SLC44A1: variants seen among roughly 807,000 people sequenced by gnomAD.
The protein encoded by SLC44A1 is choline transporter-like protein 1.
Under a neutral mutation model 79.3 loss-of-function variants are expected in SLC44A1, and 26 were observed. The observed-to-expected ratio is 0.33, with a 90% CI of 0.24 to 0.46. The LOEUF (loss-of-function observed/expected upper bound fraction) is 0.46. Among genes scored for constraint, SLC44A1 ranks in the 20% least tolerant of loss-of-function variants. The pLI is 1.00. For synonymous variants in SLC44A1, 263 were observed against 286.2 expected, an observed-to-expected ratio of 0.92 and a Z score of 0.82; for missense variants, 688 against 798.1, an observed-to-expected ratio of 0.86 and a Z score of 1.66.
chr9:105,361,289 C>T lies in SLC44A1; in HGVS notation c.859C>T (p.Arg287Trp), dbSNP rs141353650. The change falls in exon 8 of 16, where the codon CGG becomes TGG. Residue 287 changes from arginine (R) to tryptophan (W), a missense_variant. Physicochemically the swap from Arg to Trp is moderately radical, Grantham distance 101. Transcript: ENST00000374720. The stretch of plus-strand genomic sequence containing the variant: ...GCTTCAGATAGCTGAAGACAATCTT[C>T]GGGCCCTCCTCATTTATGCCATTTC... ...EQLQIAEDNLRALLIYAISAT... is the reference protein window; with the variant it reads ...EQLQIAEDNLWALLIYAISAT... 111 of 1,613,426 alleles carry T rather than the reference C, an allele frequency of 6.9e-5. No homozygotes were observed. Among genetic ancestry groups the T allele is most frequent in the Non-Finnish European group, 9.0e-5 (106 of 1,179,696 alleles).
chr9:105,346,559 T>C (rs7045688), intron 4 of SLC44A1, among the ~76,000 whole-genome samples: 1 of 152,130 alleles, frequency 6.6e-6, no homozygotes, highest in Admixed American at 6.6e-5. Flanking sequence ...ATTGGCGCAG[T>C]TGCTATTTTT....
At chr9:105,301,514 C>T (rs1400818146) in intron 2 of SLC44A1, among the ~76,000 whole-genome samples, 1 of 152,182 alleles carries the variant, frequency 6.6e-6, no homozygotes, top group Non-Finnish European at 1.5e-5. Context: ...AACAGAGATT[C>T]AGCATTTTTT....
At chr9:105,385,916 G>C (rs1828614972) in intron 15 of SLC44A1, 1 of 985,110 alleles carries the variant, frequency 1.0e-6, no homozygotes, top group Non-Finnish European at 1.2e-6. Flanking sequence ...CTTTCAACTT[G>C]CTAAAATTCA....
chr9:105,281,735 T>C (rs1166629302), intron 1 of SLC44A1, among the ~76,000 whole-genome samples: 1 of 152,240 alleles, frequency 6.6e-6, no homozygotes, highest in Non-Finnish European at 1.5e-5. Flanking sequence ...AAATGGGTTG[T>C]TCCTTTGTGA....
At chr9:105,349,695 T>A (rs1368633593) in intron 5 of SLC44A1, among the ~76,000 whole-genome samples, 2 of 152,158 alleles carry the variant, frequency 1.3e-5, no homozygotes, top group Non-Finnish European at 2.9e-5. Flanking sequence ...ATATAAAAAT[T>A]AGAAAAGCTC....
intron 1 of SLC44A1, among the ~76,000 whole-genome samples, chr9:105,250,145 G>A (rs369470472): frequency 4.2e-4 from 64 of 151,932 alleles, no homozygotes; most frequent in African/African-American, 1.5e-3. Context: ...CAAAGTGCTA[G>A]GATTATAGGT....
chr9:105,298,718 C>G (rs1830795600), intron 1 of SLC44A1, among the ~76,000 whole-genome samples: 1 of 151,516 alleles, frequency 6.6e-6, no homozygotes, highest in Non-Finnish European at 1.5e-5. Flanking sequence ...CACATTCTAA[C>G]TTTTTTTTTA....
intron 13 of SLC44A1, among the ~76,000 whole-genome samples, chr9:105,382,034 A>G (rs1161590464): frequency 6.6e-6 from 1 of 152,140 alleles, no homozygotes; most frequent in Admixed American, 6.5e-5. Context: ...AGAATTCAGT[A>G]GAATCCATTA....
chr9:105,258,699 G>A (rs1006919771), intron 1 of SLC44A1, among the ~76,000 whole-genome samples: 7 of 151,848 alleles, frequency 4.6e-5, no homozygotes, highest in African/African-American at 1.2e-4. Flanking sequence ...GTTTTGTTTT[G>A]TTTTTTGGGA....
At chr9:105,250,979 C>T (rs924475970) in intron 1 of SLC44A1, among the ~76,000 whole-genome samples, 7 of 152,112 alleles carry the variant, frequency 4.6e-5, no homozygotes, top group Non-Finnish European at 1.0e-4. Context: ...TGGTAGCCCT[C>T]GTGTGTCACC....
intron 12 of SLC44A1, 135 bp downstream of exon 12, chr9:105,366,564 C>T (rs1827948275): frequency 4.8e-6 from 2 of 415,862 alleles, no homozygotes; most frequent in Non-Finnish European, 8.4e-6. Context: ...TAAAGTATGT[C>T]TATTTCAATC....
At chr9:105,299,173 A>T in intron 1 of SLC44A1, 47 bp from the exon 2 acceptor site, 1 of 1,397,610 alleles carries the variant, frequency 7.2e-7, no homozygotes, top group Non-Finnish European at 9.9e-7. Flanking sequence ...TTCTAACTTT[A>T]ACTAAACTTA....
In SLC44A1 at chr9:105,394,021, C is replaced by G. The variant is rs1828822074; in HGVS notation, c.*4965C>G. 4 of 985,148 alleles carry G rather than the reference C, an allele frequency of 4.1e-6. No individual in the cohort carries two copies. Among genetic ancestry groups the G allele is most frequent in the African/African-American group, 1.7e-5 (1 of 57,246 alleles). 61.0% of individuals were successfully genotyped at this position (985,148 alleles called of 1,614,324 possible). A position where few individuals can be genotyped will look rare whatever the true frequency, so the allele number is the denominator to read the frequency against. On this transcript the variant is annotated 3_prime_UTR_variant, in exon 16 of 16. Transcript: ENST00000374720. ...GTTATTTTGAAGAGACAATGGGTCTCTTTGAGCTTAAGAAAGCTATGGACT... is the reference window on the plus strand; with the variant it reads ...GTTATTTTGAAGAGACAATGGGTCTGTTTGAGCTTAAGAAAGCTATGGACT...
rs1433130579 is a variant in SLC44A1 at position 105,404,673 on chromosome 9, TAA to T, written c.1950+19173_1950+19174del. On this transcript the variant is annotated intron_variant, in intron 15 of 15. Coordinates refer to the SLC44A1 transcript ENST00000374724. ...GATAGGAATATGCTTCGAAAGCAGT[TAA>T]ATACAACAGAGTTGTTATCTCCTTA... Among the ~76,000 whole-genome samples the T allele has an allele frequency of 2.0e-5, 3 of 152,318 alleles. No individual in the cohort carries two copies. The East Asian group carries it at 5.8e-4, about 29-fold the overall frequency.
intron 15 of SLC44A1, among the ~76,000 whole-genome samples, chr9:105,435,043 A>T (rs1829446209): frequency 6.6e-6 from 1 of 152,120 alleles, no homozygotes; most frequent in Non-Finnish European, 1.5e-5. Context: ...GCTACTCAGA[A>T]GGCTGAGGTG....
intron 4 of SLC44A1, among the ~76,000 whole-genome samples, chr9:105,336,697 C>G (rs144668272): frequency 1.1e-3 from 174 of 152,296 alleles, no homozygotes; most frequent in Middle Eastern, 0.01. Flanking sequence ...AACCATAGCT[C>G]TACACACACT....
intron 9 of SLC44A1, among the ~76,000 whole-genome samples, 163 bp downstream of exon 9, chr9:105,363,170 C>CT (rs35157236): frequency 0.026 from 3,909 of 149,218 alleles, 52 homozygotes; most frequent in Middle Eastern, 0.059. Flanking sequence ...TCATATTCGT[C>CT]TTTTTTTTTT....
Position 105,393,223 on chromosome 9 carries a change from C to T in SLC44A1, c.*4167C>T. The T allele has an allele frequency of 1.0e-6, 1 of 985,396 alleles. No individual in the cohort carries two copies. The highest frequency in any genetic ancestry group is 4.7e-5 in the South Asian group (1 of 21,288). 61.0% of individuals were successfully genotyped at this position (985,396 alleles called of 1,614,324 possible). A position where few individuals can be genotyped will look rare whatever the true frequency, so the allele number is the denominator to read the frequency against. On this transcript the variant is annotated 3_prime_UTR_variant, in exon 16 of 16. Transcript: ENST00000374720. Reference sequence around the variant, plus strand: ...TTGCTTTAAATGCATATTCATGTATCTTTGTGTGCTAAGAATGCATGTTAG... The same window carrying T: ...TTGCTTTAAATGCATATTCATGTATTTTTGTGTGCTAAGAATGCATGTTAG...
At chr9:105,433,938 A>G (rs1829431836) in intron 15 of SLC44A1, among the ~76,000 whole-genome samples, 1 of 152,236 alleles carries the variant, frequency 6.6e-6, no homozygotes, top group Non-Finnish European at 1.5e-5. Flanking sequence ...ACATCAAAAC[A>G]AAGAGAAAGA....
Sources: gnomAD v4.1 joint callset for allele counts (sites outside exome capture counted in the v4.1 genomes callset) on GRCh38, gnomAD v4.1.1 for gene constraint, MANE v1.5 for transcripts, NCBI Gene and HGNC (gene_info 2026-07-23, HGNC 2026-07-21) for gene names.